The following DNAH5 variants were observed in gnomAD, a reference collection of about 807,000 sequenced individuals.
The protein encoded by DNAH5 is dynein axonemal heavy chain 5.
In DNAH5, 372 loss-of-function variants were observed where a neutral mutation model predicts 518.2. The observed-to-expected ratio is 0.72, with a 90% CI of 0.66 to 0.78. The LOEUF (loss-of-function observed/expected upper bound fraction) is 0.78, where lower values mean the gene tolerates loss of function less well. DNAH5 is among the 30% of genes least tolerant of loss of function. The pLI is 0.00. For missense variants in DNAH5, 5,523 were observed against 5,687.0 expected (o/e 0.97, Z 0.93); for synonymous variants, 2,039 against 2,025.9 (o/e 1.01, Z -0.17).
At chr5:13,745,255 C>A (rs758677173) in intron 65 of DNAH5, among the ~76,000 whole-genome samples, 9 of 151,990 alleles carry the variant, frequency 5.9e-5, no homozygotes, top group Non-Finnish European at 1.3e-4. Flanking sequence ...TGTAGGCCTA[C>A]AACATGTTCA....
intron 78 of DNAH5, 132 bp from the exon 79 acceptor site, chr5:13,692,267 T>A: frequency 2.0e-6 from 2 of 1,002,426 alleles, no homozygotes; most frequent in Non-Finnish European, 3.1e-6. Context: ...AGGGACATTC[T>A]TTCTGAGGTC....
At chr5:13,857,433 C>T (rs1767784675) in intron 30 of DNAH5, among the ~76,000 whole-genome samples, 1 of 152,164 alleles carries the variant, frequency 6.6e-6, no homozygotes, top group Admixed American at 6.5e-5. Flanking sequence ...AATGGCTATA[C>T]TGCACAAAGT....
At chr5:13,871,969 A>T (rs1168549774) in intron 22 of DNAH5, among the ~76,000 whole-genome samples, 2 of 152,206 alleles carry the variant, frequency 1.3e-5, no homozygotes, top group African/African-American at 2.4e-5. Flanking sequence ...TTTCACTGTT[A>T]TCATCCCTAG....
intron 75 of DNAH5, among the ~76,000 whole-genome samples, chr5:13,711,875 A>G (rs777983710): frequency 2.0e-5 from 3 of 152,232 alleles, no homozygotes; most frequent in Non-Finnish European, 4.4e-5. Flanking sequence ...ATCACAGACA[A>G]CACAAACAAA....
intron 1 of DNAH5, among the ~76,000 whole-genome samples, chr5:13,990,136 T>A (rs1407508930): frequency 6.8e-6 from 1 of 146,336 alleles, no homozygotes; most frequent in African/African-American, 2.6e-5. Context: ...AAAAAGTAAA[T>A]TAAAAGCATA....
At chr5:13,746,256 G>C (rs1440678006) in intron 65 of DNAH5, among the ~76,000 whole-genome samples, 1 of 152,128 alleles carries the variant, frequency 6.6e-6, no homozygotes, top group African/African-American at 2.4e-5. Context: ...AGGATGGGTT[G>C]AGACAGCTTC....
intron 76 of DNAH5, among the ~76,000 whole-genome samples, chr5:13,705,859 G>T (rs1742714833): frequency 6.6e-6 from 1 of 152,190 alleles, no homozygotes; most frequent in African/African-American, 2.4e-5. Context: ...GGAGAGACTG[G>T]ACTAGGACTG....
intron 22 of DNAH5, among the ~76,000 whole-genome samples, chr5:13,875,783 A>G (rs557033128): frequency 6.6e-6 from 1 of 152,254 alleles, no homozygotes; most frequent in East Asian, 1.9e-4. Context: ...AGGACCTTCA[A>G]TATATTAAGA....
chr5:13,792,181 C>A lies in DNAH5; in HGVS notation c.8261G>T (p.Gly2754Val), dbSNP rs546101625. 6.2e-6 allele frequency: 10 copies of A among 1,613,990 alleles called. No individual in the cohort carries two copies. The highest frequency in any genetic ancestry group is 1.7e-5 in the Admixed American group (1 of 60,000). ...AGAATCTCTCACTTCTTCTGAGAAACCCCTCTGAGTACAGTAGTGGCCTAC... is the reference window on the plus strand; with the variant it reads ...AGAATCTCTCACTTCTTCTGAGAAAACCCTCTGAGTACAGTAGTGGCCTAC... ...IGVGHYCTQR[G>V]FSEEVRDSVT... The change falls in exon 50 of 79, where the codon GGT becomes GTT. Residue 2754 changes from glycine to valine, a missense_variant. Transcript: ENST00000265104.
rs1768949152 is a variant in DNAH5 at position 13,864,582 on chromosome 5, T to C, written c.4411A>G (p.Lys1471Glu). 4.3e-6 allele frequency: 7 copies of C among 1,613,968 alleles called. No homozygotes were observed. The highest frequency in any genetic ancestry group is 3.4e-6 in the Non-Finnish European group (4 of 1,180,024). Residue 1471 changes from lysine to glutamate, a missense_variant, in exon 28 of 79, where the codon AAG becomes GAG. Coordinates refer to ENST00000265104, the MANE Select transcript of DNAH5 (RefSeq NM_001369.3). ...CACTCGCTGAAATCATCAATGATCT[T>C]CTTCAGGTCCAAAAAAGCCTGCCAG... Reference protein sequence around the residue: ...KDWQAFLDLKKIIDDFSECCP... With the variant: ...KDWQAFLDLKEIIDDFSECCP...
At chr5:14,011,053 G>A (rs1785079137) in intron 1 of DNAH5, among the ~76,000 whole-genome samples, 1 of 151,516 alleles carries the variant, frequency 6.6e-6, no homozygotes, top group Non-Finnish European at 1.5e-5. Flanking sequence ...TAAATGTATA[G>A]CGTGTGTTTC....
At chr5:13,721,449 G>C (rs1745052740) in intron 70 of DNAH5, among the ~76,000 whole-genome samples, 2 of 152,106 alleles carry the variant, frequency 1.3e-5, no homozygotes, top group Admixed American at 1.3e-4. Context: ...TGCTTACCCA[G>C]TACAAAATCA....
intron 19 of DNAH5, among the ~76,000 whole-genome samples, chr5:13,883,684 TG>T (rs1236476743): frequency 5.3e-5 from 8 of 152,256 alleles, no homozygotes; most frequent in Admixed American, 4.6e-4. Flanking sequence ...CTGTGTATCA[TG>T]CATAACTTTA....
At chr5:13,828,261 A>G (rs1253889660) in intron 38 of DNAH5, among the ~76,000 whole-genome samples, 1 of 152,260 alleles carries the variant, frequency 6.6e-6, no homozygotes, top group Non-Finnish European at 1.5e-5. Flanking sequence ...TGGGTATAAA[A>G]AGTAATAAAG....
rs78472652 is a variant in DNAH5, at chr5:13,919,630, A to G, written c.799-278T>C. Among the ~76,000 whole-genome samples, 2,737 of 152,228 alleles carry G rather than the reference A, an allele frequency of 0.018. 83 individuals are homozygous for G. The highest frequency in any genetic ancestry group is 0.061 in the African/African-American group (2,516 of 41,528). On this transcript the variant is annotated intron_variant, in intron 6 of 78. Transcript: ENST00000265104. ...GGGGGTTTTTAAAGATTTTTGATTC[A>G]TACTTTTTTCTTTTATTGATACTTA...
chr5:13,940,536 G>A (rs557682626), intron 1 of DNAH5, among the ~76,000 whole-genome samples: 25 of 152,294 alleles, frequency 1.6e-4, no homozygotes, highest in African/African-American at 6.0e-4. Flanking sequence ...TCATTGGAGA[G>A]CTGTAAAATA....
Position 13,753,392 on chromosome 5 carries a change from A to G in DNAH5, c.10713T>C (p.Pro3571=), listed in dbSNP as rs769775818. Residue 3571 remains proline (P), a synonymous_variant, in exon 63 of 79, where the codon CCT becomes CCC. Coordinates refer to ENST00000265104, the MANE Select transcript of DNAH5 (RefSeq NM_001369.3). ...LNLSEMLIDA[P]TISEWNLQGL... ...CTTGGAGGTTCCATTCACTAATAGT[A>G]GGAGCATCAATCAACATCTCACTGA... The G allele has an allele frequency of 6.2e-7, 1 of 1,614,078 alleles. No homozygotes were observed. The highest frequency in any genetic ancestry group is 2.2e-5 in the East Asian group (1 of 44,856).
chr5:13,931,384 T>C (rs753187689), intron 1 of DNAH5, 140 bp from the exon 2 acceptor site: 56 of 803,316 alleles, frequency 7.0e-5, no homozygotes, highest in Admixed American at 2.0e-4. Flanking sequence ...AATTTTTATG[T>C]ACTATCTTCT....
intron 38 of DNAH5, 120 bp from the exon 39 acceptor site, chr5:13,824,453 T>C: frequency 1.0e-6 from 1 of 967,792 alleles, no homozygotes; most frequent in Non-Finnish European, 1.6e-6. Context: ...CTTCAGAAAA[T>C]GCATACACAC....
Sources: allele counts gnomAD v4.1 joint callset (sites outside exome capture counted in the v4.1 genomes callset), GRCh38; gene constraint gnomAD v4.1.1; transcripts MANE v1.5; gene names NCBI Gene and HGNC (gene_info 2026-07-23, HGNC 2026-07-21).